Variants in IPCEF1 observed in about 807,000 individuals in gnomAD.
The protein encoded by IPCEF1 is interactor protein for cytohesin exchange factors 1.
Under a neutral mutation model 50.9 loss-of-function variants are expected in IPCEF1, and 31 were observed. The observed-to-expected ratio is 0.61, with a 90% confidence interval of 0.46 to 0.82. The LOEUF is 0.82. Among genes scored for constraint, IPCEF1 ranks in the 40% least tolerant of loss-of-function variants. IPCEF1 has a pLI of 0.00. For synonymous variants in IPCEF1, 181 were observed against 192.0 expected (o/e 0.94, Z 0.47); for missense variants, 458 against 514.0 (o/e 0.89, Z 1.05).
chr6:154,258,891 A>G (rs2128650203), intron 3 of IPCEF1, among the ~76,000 whole-genome samples: 2 of 152,342 alleles, frequency 1.3e-5, no homozygotes, highest in East Asian at 1.9e-4. Flanking sequence ...CCAATGACTG[A>G]CATAAAGTAA....
intron 1 of IPCEF1, among the ~76,000 whole-genome samples, chr6:154,326,221 C>CAA (rs75214985): frequency 0.041 from 4,016 of 99,100 alleles, 219 homozygotes; most frequent in African/African-American, 0.13. Flanking sequence ...GACCTTGTCT[C>CAA]AAAAAAAAAA....
At chr6:154,233,165 C>A (rs531417513) in intron 5 of IPCEF1, among the ~76,000 whole-genome samples, 2 of 152,054 alleles carry the variant, frequency 1.3e-5, no homozygotes, top group Non-Finnish European at 1.5e-5. Context: ...GACATGGTTT[C>A]GCCATATTGG....
chr6:154,299,735 C>A lies in IPCEF1; in HGVS notation c.-61-9979G>T, dbSNP rs547205543. Among the ~76,000 whole-genome samples, 3 of 140,518 alleles carry A rather than the reference C, an allele frequency of 2.1e-5. No individual in the cohort carries two copies. The South Asian group carries it at 6.7e-4, about 32-fold the overall frequency. 92.2% of individuals were successfully genotyped at this position (140,518 alleles called of 152,430 possible). A position where few individuals can be genotyped will look rare whatever the true frequency, so the allele number is the denominator to read the frequency against. ...ATGTAACCAACCTGCACATCCTGCA[C>A]ATGTATCCTGGAACTTAAAACGAAA... is the stretch of plus-strand genomic sequence containing the variant. On this transcript the variant is annotated intron_variant, in intron 1 of 11. Transcript: ENST00000367220.
At chr6:154,298,793 G>A (rs775566574) in intron 1 of IPCEF1, among the ~76,000 whole-genome samples, 9 of 151,966 alleles carry the variant, frequency 5.9e-5, no homozygotes, top group East Asian at 1.9e-4. Context: ...GTGAAACCCC[G>A]TCTCTACTAA....
intron 5 of IPCEF1, among the ~76,000 whole-genome samples, chr6:154,242,251 G>A (rs944570638): frequency 7.9e-5 from 12 of 152,060 alleles, no homozygotes; most frequent in African/African-American, 1.9e-4. Flanking sequence ...GGACCTAATC[G>A]GAACCTTGGG....
intron 1 of IPCEF1, among the ~76,000 whole-genome samples, chr6:154,317,346 G>C (rs1472392414): frequency 6.6e-6 from 1 of 151,650 alleles, no homozygotes; most frequent in South Asian, 2.1e-4. Flanking sequence ...TCAGGAGTTC[G>C]AGACCAGCCT....
rs564617963 is a variant in IPCEF1, at chr6:154,347,887, G to A, written c.-62+8785C>T. 5.3e-5 allele frequency among the ~76,000 whole-genome samples: 8 copies of A among 152,306 alleles called. No individual in the cohort carries two copies. The South Asian group carries it at 1.7e-3, about 32-fold the overall frequency. On this transcript the variant is annotated intron_variant, in intron 1 of 11. Transcript: ENST00000367220. ...ATTGAGATTGACAGAGGGATCGCTTGCTAACTTGCTCCCAATGCACAGAAC... is the reference window on the plus strand; with the variant it reads ...ATTGAGATTGACAGAGGGATCGCTTACTAACTTGCTCCCAATGCACAGAAC...
chr6:154,226,225 T>C (rs1441200273), intron 5 of IPCEF1, among the ~76,000 whole-genome samples: 1 of 152,180 alleles, frequency 6.6e-6, no homozygotes, highest in Admixed American at 6.5e-5. Flanking sequence ...CCAAAACCCA[T>C]ACCTTGTATC....
At chr6:154,318,256 G>C (rs1783277338) in intron 1 of IPCEF1, among the ~76,000 whole-genome samples, 1 of 152,110 alleles carries the variant, frequency 6.6e-6, no homozygotes, top group Non-Finnish European at 1.5e-5. Flanking sequence ...AATAGTTTGA[G>C]TTCCATGAAC....
At chr6:154,285,227 G>C (rs904395975) in intron 2 of IPCEF1, among the ~76,000 whole-genome samples, 1 of 152,252 alleles carries the variant, frequency 6.6e-6, no homozygotes, top group Non-Finnish European at 1.5e-5. Context: ...AAAGACATTG[G>C]TATCTCTACT....
Position 154,231,442 on chromosome 6 carries a change from C to T in IPCEF1, c.247-8199G>A, listed in dbSNP as rs1779709855. Among the ~76,000 whole-genome samples, 4 of 152,200 alleles carry T rather than the reference C, an allele frequency of 2.6e-5. No homozygotes were observed. The South Asian group carries it at 8.3e-4, about 31-fold the overall frequency. On this transcript the variant is annotated intron_variant, in intron 5 of 11. Coordinates refer to ENST00000367220, the MANE Select transcript of IPCEF1 (RefSeq NM_001130700.2). ...TGGAGAATATGTGGAATGACATGTA[C>T]ATTGCAGCATTGTTTGTATTTACAA... is the stretch of plus-strand genomic sequence containing the variant.
At chr6:154,160,982 T>G (rs1438478040) in intron 11 of IPCEF1, among the ~76,000 whole-genome samples, 1 of 152,082 alleles carries the variant, frequency 6.6e-6, no homozygotes, top group Non-Finnish European at 1.5e-5. Flanking sequence ...CACCCAAGGC[T>G]CCTCACCTGC....
intron 11 of IPCEF1, among the ~76,000 whole-genome samples, chr6:154,165,188 G>C (rs920775811): frequency 6.6e-6 from 1 of 152,052 alleles, no homozygotes; most frequent in African/African-American, 2.4e-5. Context: ...TAGAAAAATT[G>C]TGCTTAAAGA....
intron 2 of IPCEF1, among the ~76,000 whole-genome samples, chr6:154,279,000 C>T (rs1422494799): frequency 6.7e-6 from 1 of 150,296 alleles, no homozygotes. Context: ...TGGTGTGCAC[C>T]TGTGGTCCCA....
chr6:154,260,476 C>CT (rs34318796), intron 3 of IPCEF1, among the ~76,000 whole-genome samples: 66,418 of 144,166 alleles, frequency 0.46, 15,894 homozygotes, highest in East Asian at 0.72. Flanking sequence ...GACCAGAGAA[C>CT]TTTTTTTTTT....
chr6:154,320,057 A>G (rs1783334386), intron 1 of IPCEF1, among the ~76,000 whole-genome samples: 1 of 152,200 alleles, frequency 6.6e-6, no homozygotes, highest in Admixed American at 6.5e-5. Flanking sequence ...ATAAATTGCT[A>G]TTGTCTAACT....
intron 3 of IPCEF1, among the ~76,000 whole-genome samples, chr6:154,256,682 T>A (rs1451405699): frequency 6.6e-6 from 1 of 152,148 alleles, no homozygotes; most frequent in Non-Finnish European, 1.5e-5. Flanking sequence ...CTCTAGTTAC[T>A]GCAAAACTAG....
chr6:154,231,171 T>A (rs1445784501), intron 5 of IPCEF1, among the ~76,000 whole-genome samples: 1 of 152,188 alleles, frequency 6.6e-6, no homozygotes, highest in Non-Finnish European at 1.5e-5. Context: ...CACAGACTCA[T>A]GACCACTAGA....
chr6:154,355,015 C>T (rs914263590), intron 1 of IPCEF1, among the ~76,000 whole-genome samples: 4 of 70,736 alleles, frequency 5.7e-5, no homozygotes, highest in Middle Eastern at 0.014. Flanking sequence ...CACACACACA[C>T]ACACACACAC....
Sources: gnomAD v4.1 joint callset for allele counts (sites outside exome capture counted in the v4.1 genomes callset) on GRCh38, gnomAD v4.1.1 for gene constraint, MANE v1.5 for transcripts, NCBI Gene and HGNC (gene_info 2026-07-23, HGNC 2026-07-21) for gene names.